Variants in MYRIP observed in about 807,000 individuals in gnomAD.
MYRIP encodes myosin VIIA and Rab interacting protein, also known as rab effector MyRIP.
A neutral mutation model predicts 98.0 loss-of-function variants in MYRIP; 49 were observed. That is an observed-to-expected ratio of 0.50 (90% CI 0.40 to 0.63). The LOEUF (loss-of-function observed/expected upper bound fraction) is 0.63, where lower values mean the gene tolerates loss of function less well. Ranked by LOEUF, MYRIP falls within the 30% of genes least tolerant of loss-of-function variation. MYRIP has a pLI of 0.00. For missense variants in MYRIP, 1,004 were observed against 1,058.2 expected (o/e 0.95, Z 0.71); for synonymous variants, 404 against 409.5 (o/e 0.99, Z 0.16).
chr3:40,163,758 A>G (rs1037993027), intron 5 of MYRIP, among the ~76,000 whole-genome samples: 3 of 152,062 alleles, frequency 2.0e-5, no homozygotes, highest in African/African-American at 7.2e-5. Flanking sequence ...CACACAGTAT[A>G]TCATGGAACT....
At chr3:40,028,328 C>A in intron 2 of MYRIP, among the ~76,000 whole-genome samples, 1 of 152,118 alleles carries the variant, frequency 6.6e-6, no homozygotes, top group East Asian at 1.9e-4. Context: ...TAGGGAAATG[C>A]AAATAAAAGC....
In MYRIP at chr3:39,851,943, A is replaced by G. The variant is rs554065189; in HGVS notation, c.-31+42027A>G. On this transcript the variant is annotated intron_variant, in intron 1 of 16. Coordinates refer to ENST00000302541, the MANE Select transcript of MYRIP (RefSeq NM_015460.4). ...CTCCTGCATTGCAGTGATCCTTGGT[A>G]GAATATAGATCTATAGAGAGTGACT... 4.6e-5 allele frequency among the ~76,000 whole-genome samples: 7 copies of G among 152,250 alleles called. 1 individual carries two copies. In the South Asian group the frequency reaches 1.0e-3, roughly 23 times the overall value.
At chr3:40,192,057 A>AGGTGGGG (rs1951226409) in intron 10 of MYRIP, among the ~76,000 whole-genome samples, 1 of 151,066 alleles carries the variant, frequency 6.6e-6, no homozygotes, top group Admixed American at 6.6e-5. Context: ...CCTCTCCACT[A>AGGTGGGG]GGTGGGGATG....
chr3:40,029,641 AT>A (rs1947214083), intron 2 of MYRIP, among the ~76,000 whole-genome samples: 1 of 152,194 alleles, frequency 6.6e-6, no homozygotes, highest in Non-Finnish European at 1.5e-5. Flanking sequence ...AAAAATACTA[AT>A]AAAATGTAGG....
At chr3:40,109,528 T>A (rs534905212) in intron 3 of MYRIP, among the ~76,000 whole-genome samples, 81 of 152,310 alleles carry the variant, frequency 5.3e-4, no homozygotes, top group African/African-American at 1.9e-3. Context: ...TTCACTCCTG[T>A]AATCCCAGCT....
intron 1 of MYRIP, among the ~76,000 whole-genome samples, chr3:39,824,966 C>G (rs1484669024): frequency 6.6e-6 from 1 of 152,182 alleles, no homozygotes; most frequent in Non-Finnish European, 1.5e-5. Flanking sequence ...GATCCTTCCA[C>G]CTTGTATTTC....
intron 10 of MYRIP, among the ~76,000 whole-genome samples, chr3:40,192,486 T>G (rs1424559243): frequency 6.6e-6 from 1 of 151,768 alleles, no homozygotes; most frequent in African/African-American, 2.4e-5. Flanking sequence ...TCCACCAAAA[T>G]GACTGCAAGT....
chr3:40,209,557 C>A (rs1338092581), intron 10 of MYRIP, among the ~76,000 whole-genome samples: 1 of 151,938 alleles, frequency 6.6e-6, no homozygotes, highest in Admixed American at 6.5e-5. Flanking sequence ...TCCAAGCATC[C>A]TTTGCACCAG....
At chr3:40,218,552 A>G (rs1445550342) in intron 11 of MYRIP, among the ~76,000 whole-genome samples, 1 of 144,204 alleles carries the variant, frequency 6.9e-6, no homozygotes, top group Non-Finnish European at 1.5e-5. Context: ...ATTTTACTGT[A>G]TGTAATATAC....
At chr3:39,866,705 C>T (rs1043370544) in intron 1 of MYRIP, among the ~76,000 whole-genome samples, 1 of 152,066 alleles carries the variant, frequency 6.6e-6, no homozygotes. Flanking sequence ...GAAAGACTTC[C>T]TATGTTCTTG....
intron 2 of MYRIP, among the ~76,000 whole-genome samples, chr3:40,003,247 T>C (rs1312052962): frequency 1.3e-5 from 2 of 152,192 alleles, no homozygotes; most frequent in East Asian, 3.8e-4. Flanking sequence ...GCTGGCTCTG[T>C]GTGGGAATCG....
chr3:39,836,207 C>T (rs113338011), intron 1 of MYRIP, among the ~76,000 whole-genome samples: 1 of 152,116 alleles, frequency 6.6e-6, no homozygotes, highest in South Asian at 2.1e-4. Flanking sequence ...TACACTCTCA[C>T]CAACAGTGTA....
chr3:40,156,116 A>G (rs1234028483), intron 4 of MYRIP, among the ~76,000 whole-genome samples: 1 of 151,710 alleles, frequency 6.6e-6, no homozygotes, highest in Non-Finnish European at 1.5e-5. Context: ...TAGGGTTTTT[A>G]TGGTTTTAGG....
At chr3:39,843,248 G>A (rs1941857984) in intron 1 of MYRIP, among the ~76,000 whole-genome samples, 1 of 152,166 alleles carries the variant, frequency 6.6e-6, no homozygotes, top group African/African-American at 2.4e-5. Flanking sequence ...CAGTTTGAAA[G>A]ACTGAGCTGA....
rs150528492 is a variant in MYRIP, at chr3:39,856,070, A to G, written c.-30-44717A>G. Among the ~76,000 whole-genome samples the G allele has an allele frequency of 2.6e-5, 4 of 152,280 alleles. No individual in the cohort carries two copies. In the East Asian group the frequency reaches 7.7e-4, roughly 29 times the overall value. ...CCTAAATTCATTTTACTTCTAGGTA[A>G]GGTTAAATCCTTCTTTCATGATTTG... On this transcript the variant is annotated intron_variant, in intron 1 of 16. Coordinates refer to ENST00000302541, the MANE Select transcript of MYRIP (RefSeq NM_015460.4).
rs369561940 is a variant in MYRIP, at chr3:40,170,034, G to C, written c.814G>C (p.Val272Leu). The C allele has an allele frequency of 1.2e-6, 2 of 1,614,250 alleles. No individual in the cohort carries two copies. The change falls in exon 8 of 17, where the codon GTG becomes CTG. Residue 272 changes from valine (V) to leucine (L), a missense_variant. This residue lies in a region of MYRIP where 880 missense variants were observed against 907.7 expected (regional missense o/e 0.97). Transcript: ENST00000302541. ...WPHPQSCSTK[V>L]ADEGTSASPG... ...ACATCCCCAGAGTTGCAGCACAAAGGTGGCAGATGAGGGGACCTCAGCATC... is the reference window on the plus strand; with the variant it reads ...ACATCCCCAGAGTTGCAGCACAAAGCTGGCAGATGAGGGGACCTCAGCATC...
intron 3 of MYRIP, among the ~76,000 whole-genome samples, chr3:40,093,776 T>C (rs906434285): frequency 6.6e-6 from 1 of 152,210 alleles, no homozygotes; most frequent in Non-Finnish European, 1.5e-5. Flanking sequence ...ACCATTGCAA[T>C]TGGATGCAAA....
Position 39,837,155 on chromosome 3 carries a change from C to T in MYRIP, c.-31+27239C>T, listed in dbSNP as rs558771577. On this transcript the variant is annotated intron_variant, in intron 1 of 16. Coordinates refer to ENST00000302541, the MANE Select transcript of MYRIP (RefSeq NM_015460.4). ...TGCCACCAACCTGAGTGAATCCCAACGCTGTAGGTTGCCTGTTCACTCTGA... is the reference window on the plus strand; with the variant it reads ...TGCCACCAACCTGAGTGAATCCCAATGCTGTAGGTTGCCTGTTCACTCTGA... 5.9e-5 allele frequency among the ~76,000 whole-genome samples: 9 copies of T among 152,110 alleles called. No individual in the cohort carries two copies. The East Asian group carries it at 7.7e-4, about 13-fold the overall frequency.
At chr3:40,097,711 C>T (rs981373587) in intron 3 of MYRIP, among the ~76,000 whole-genome samples, 2 of 152,148 alleles carry the variant, frequency 1.3e-5, no homozygotes, top group East Asian at 1.9e-4. Flanking sequence ...AAGTGTCCCA[C>T]GGGATGGTAC....
Sources: gnomAD v4.1 joint callset for allele counts (sites outside exome capture counted in the v4.1 genomes callset) on GRCh38, gnomAD v4.1.1 for gene constraint, gnomAD v4.1.1 regional missense constraint, MANE v1.5 for transcripts, NCBI Gene and HGNC (gene_info 2026-07-23, HGNC 2026-07-21) for gene names.